The following CDKAL1 variants were observed in gnomAD, a reference collection of about 807,000 sequenced individuals.
CDKAL1 encodes the protein CDKAL1 threonylcarbamoyladenosine tRNA methylthiotransferase, also known as threonylcarbamoyladenosine tRNA methylthiotransferase.
CDKAL1 carries 32 observed loss-of-function variants against 68.2 expected under a neutral mutation model. The ratio of observed to expected loss-of-function variants is 0.47; its 90% CI spans 0.35 to 0.63. CDKAL1 has a LOEUF of 0.63. Ranked by LOEUF, CDKAL1 falls within the 30% of genes least tolerant of loss-of-function variation. The pLI is 0.00. For missense variants in CDKAL1, 606 were observed against 696.7 expected (o/e 0.87, Z 1.47); for synonymous variants, 234 against 244.3 (o/e 0.96, Z 0.39).
intron 9 of CDKAL1, among the ~76,000 whole-genome samples, chr6:20,891,732 A>C (rs1296371178): frequency 6.6e-6 from 1 of 151,836 alleles, no homozygotes; most frequent in Non-Finnish European, 1.5e-5. Flanking sequence ...ACAGGGTTTC[A>C]CCATGTTGGC....
intron 8 of CDKAL1, among the ~76,000 whole-genome samples, chr6:20,806,235 T>C (rs1776566306): frequency 6.6e-6 from 1 of 152,196 alleles, no homozygotes; most frequent in African/African-American, 2.4e-5. Flanking sequence ...GAACCTGTGG[T>C]ATTTGGTTTT....
At chr6:20,577,610 T>C (rs999959005) in intron 4 of CDKAL1, among the ~76,000 whole-genome samples, 31 of 152,374 alleles carry the variant, frequency 2.0e-4, no homozygotes, top group African/African-American at 7.5e-4. Context: ...AATGACTGAA[T>C]GAATGAATAG....
intron 7 of CDKAL1, among the ~76,000 whole-genome samples, chr6:20,767,788 A>G (rs927951228): frequency 2.0e-5 from 3 of 152,156 alleles, no homozygotes; most frequent in Non-Finnish European, 4.4e-5. Flanking sequence ...TTTTTCTTTT[A>G]GAAGTTCATT....
intron 13 of CDKAL1, among the ~76,000 whole-genome samples, chr6:21,138,965 GCA>G (rs1194109851): frequency 6.6e-6 from 1 of 152,188 alleles, no homozygotes; most frequent in Non-Finnish European, 1.5e-5. Context: ...CTCCAGTCAT[GCA>G]CAGTCAAGCC....
At chr6:21,033,947 G>T (rs1214564021) in intron 11 of CDKAL1, among the ~76,000 whole-genome samples, 4 of 151,700 alleles carry the variant, frequency 2.6e-5, no homozygotes, top group African/African-American at 9.7e-5. Context: ...GTTACAGAGG[G>T]TTTACCAGGA....
chr6:20,936,081 C>T (rs892790974), intron 9 of CDKAL1, among the ~76,000 whole-genome samples: 32 of 152,084 alleles, frequency 2.1e-4, no homozygotes, highest in African/African-American at 7.7e-4. Flanking sequence ...AACTTTAACA[C>T]CTCAAAAACA....
At chr6:20,635,361 C>T (rs1283568468) in intron 4 of CDKAL1, among the ~76,000 whole-genome samples, 3 of 152,118 alleles carry the variant, frequency 2.0e-5, no homozygotes, top group African/African-American at 7.2e-5. Flanking sequence ...CTTTGTAGTC[C>T]CTGGTCCCAA....
At chr6:20,803,369 G>A (rs1456625601) in intron 8 of CDKAL1, among the ~76,000 whole-genome samples, 1 of 152,122 alleles carries the variant, frequency 6.6e-6, no homozygotes, top group African/African-American at 2.4e-5. Context: ...ACTTCTGCTA[G>A]GCCTGCTTAG....
chr6:20,660,546 T>G (rs1482897893), intron 5 of CDKAL1, among the ~76,000 whole-genome samples: 12 of 152,216 alleles, frequency 7.9e-5, no homozygotes, highest in Admixed American at 7.2e-4. Context: ...ATCTCCCTTC[T>G]TGGAGTAGTC....
At chr6:20,777,848 GACA>G (rs993426698) in intron 7 of CDKAL1, among the ~76,000 whole-genome samples, 28 of 152,114 alleles carry the variant, frequency 1.8e-4, no homozygotes, top group Admixed American at 6.5e-5. Context: ...GTAAGAGATT[GACA>G]ACATTAGTGA....
chr6:20,758,762 CATA>C (rs1774342968), intron 7 of CDKAL1, 119 bp downstream of exon 7: 1 of 711,106 alleles, frequency 1.4e-6, no homozygotes, highest in Admixed American at 3.2e-5. Context: ...GATATAAAAT[CATA>C]AAATGTTATC....
At chr6:20,597,319 G>A (rs1001365969) in intron 4 of CDKAL1, among the ~76,000 whole-genome samples, 2 of 152,012 alleles carry the variant, frequency 1.3e-5, no homozygotes, top group African/African-American at 2.4e-5. Context: ...TGGTAGAGAC[G>A]GGGTTTCACC....
chr6:20,863,038 G>T (rs1759727986), intron 9 of CDKAL1, among the ~76,000 whole-genome samples: 1 of 152,122 alleles, frequency 6.6e-6, no homozygotes, highest in Non-Finnish European at 1.5e-5. Flanking sequence ...ATAAAAAAAA[G>T]AAGAGGAAAC....
intron 11 of CDKAL1, among the ~76,000 whole-genome samples, chr6:21,027,707 G>A (rs1769037638): frequency 6.6e-6 from 1 of 152,186 alleles, no homozygotes; most frequent in Admixed American, 6.5e-5. Context: ...TGAACGCCAT[G>A]TTTTGGACTT....
At chr6:20,611,944 A>G (rs574371700) in intron 4 of CDKAL1, among the ~76,000 whole-genome samples, 1 of 152,196 alleles carries the variant, frequency 6.6e-6, no homozygotes, top group East Asian at 1.9e-4. Flanking sequence ...CTATTATTCT[A>G]TTCTCTACCT....
rs569862833 is a variant in CDKAL1, at chr6:20,645,237, A to T, written c.287-4056A>T. ...ACTGTAGACTTTATAAACACTGTACACTTAGGCTACACTAAATTTATACAA... is the reference window on the plus strand; with the variant it reads ...ACTGTAGACTTTATAAACACTGTACTCTTAGGCTACACTAAATTTATACAA... On this transcript the variant is annotated intron_variant, in intron 4 of 15. Transcript: ENST00000274695. Among the ~76,000 whole-genome samples, 137 of 152,270 alleles carry T rather than the reference A, an allele frequency of 9.0e-4. 1 individual carries two copies. Among genetic ancestry groups the T allele is most frequent in the Non-Finnish European group, 1.6e-3 (110 of 68,028 alleles).
intron 13 of CDKAL1, among the ~76,000 whole-genome samples, chr6:21,186,482 C>T (rs1778019840): frequency 1.3e-5 from 2 of 152,076 alleles, no homozygotes; most frequent in African/African-American, 2.4e-5. Flanking sequence ...CTTTTGCAGC[C>T]ACACTGAATG....
intron 15 of CDKAL1, among the ~76,000 whole-genome samples, chr6:21,229,539 G>A (rs1779875683): frequency 6.6e-6 from 1 of 152,188 alleles, no homozygotes; most frequent in Admixed American, 6.5e-5. Flanking sequence ...AGAGGTACCA[G>A]GAGGTTGCTA....
At chr6:21,054,296 A>T (rs887606350) in intron 11 of CDKAL1, among the ~76,000 whole-genome samples, 39 of 152,018 alleles carry the variant, frequency 2.6e-4, no homozygotes, top group African/African-American at 9.4e-4. Flanking sequence ...ATATATTTGG[A>T]CTCTCTATTT....
Sources: allele counts gnomAD v4.1 joint callset (sites outside exome capture counted in the v4.1 genomes callset), GRCh38; gene constraint gnomAD v4.1.1; transcripts MANE v1.5; gene names NCBI Gene and HGNC (gene_info 2026-07-23, HGNC 2026-07-21).